Variants in AUTS2 observed in about 807,000 individuals in gnomAD.
AUTS2 encodes the protein activator of transcription and developmental regulator AUTS2, also known as autism susceptibility gene 2 protein.
AUTS2 carries 17 observed loss-of-function variants against 112.4 expected under a neutral mutation model. The ratio of observed to expected loss-of-function variants is 0.15; its 90% CI spans 0.10 to 0.23. The LOEUF is 0.23. AUTS2 is among the 10% of genes least tolerant of loss of function. The probability of loss-of-function intolerance (pLI) is 1.00; values close to 1 mark genes in which losing one functional copy is unlikely to be tolerated. For missense variants in AUTS2, 1,510 were observed against 1,701.6 expected (o/e 0.89, Z 1.98); for synonymous variants, 751 against 702.7 (o/e 1.07, Z -1.09).
chr7:70,783,865 G>A (rs904659351), intron 15 of AUTS2: 5 of 152,186 alleles, frequency 3.3e-5, no homozygotes, highest in African/African-American at 4.8e-5. Flanking sequence ...GTATTAACAA[G>A]CCCATTTGGT....
At chr7:70,313,970 A>G (rs985835362) in intron 4 of AUTS2, among the ~76,000 whole-genome samples, 1 of 152,188 alleles carries the variant, frequency 6.6e-6, no homozygotes, top group African/African-American at 2.4e-5. Context: ...CACCTCTTAC[A>G]TAGTAGGAGC....
At chr7:70,267,624 G>C (rs1787496925) in intron 4 of AUTS2, among the ~76,000 whole-genome samples, 1 of 152,162 alleles carries the variant, frequency 6.6e-6, no homozygotes, top group African/African-American at 2.4e-5. Flanking sequence ...AAGTAGATGT[G>C]ACAGTTATGA....
At chr7:70,443,117 A>G (rs1293657826) in intron 5 of AUTS2, among the ~76,000 whole-genome samples, 1 of 152,252 alleles carries the variant, frequency 6.6e-6, no homozygotes, top group Non-Finnish European at 1.5e-5. Context: ...ATGCACCTGA[A>G]AAAGAAGTTA....
intron 4 of AUTS2, among the ~76,000 whole-genome samples, chr7:70,297,334 G>T (rs1430055488): frequency 6.6e-6 from 1 of 152,034 alleles, no homozygotes; most frequent in Non-Finnish European, 1.5e-5. Context: ...TCTCCAAAGG[G>T]TTGTTCCTCT....
At chr7:70,325,977 T>C (rs899271273) in intron 4 of AUTS2, among the ~76,000 whole-genome samples, 2 of 152,156 alleles carry the variant, frequency 1.3e-5, no homozygotes, top group Non-Finnish European at 2.9e-5. Context: ...TTTGCACATG[T>C]TTTGTGTTTG....
chr7:69,933,656 TTTTTTTG>T lies in AUTS2; in HGVS notation c.522+34180_522+34186del, dbSNP rs61213945. Among the ~76,000 whole-genome samples, 1,114 of 152,198 alleles carry T rather than the reference TTTTTTTG, an allele frequency of 7.3e-3. 6 individuals are homozygous for T. The highest frequency in any genetic ancestry group is 0.012 in the East Asian group (64 of 5,182). ...CACTTGCCACTTTCCTTTCCCTTCC[TTTTTTTG>T]TTTTTTGTTTTTTGTTTTTTGGTAG... On this transcript the variant is annotated intron_variant, in intron 2 of 18. Transcript: ENST00000342771.
chr7:70,703,900 A>G (rs1455527320), intron 6 of AUTS2, among the ~76,000 whole-genome samples: 1 of 152,146 alleles, frequency 6.6e-6, no homozygotes, highest in African/African-American at 2.4e-5. Context: ...TTTAAGGGTA[A>G]TTGGTACTTG....
intron 5 of AUTS2, among the ~76,000 whole-genome samples, chr7:70,496,592 A>G (rs149753838): frequency 2.9e-4 from 23 of 79,340 alleles, no homozygotes; most frequent in African/African-American, 5.4e-4. Flanking sequence ...TCACATCAGC[A>G]TCAATCACAC....
chr7:70,707,420 A>G (rs913378959), intron 6 of AUTS2, among the ~76,000 whole-genome samples: 29 of 152,176 alleles, frequency 1.9e-4, no homozygotes, highest in African/African-American at 7.0e-4. Flanking sequence ...ACTCCTAGAC[A>G]TGCTCATAGC....
intron 1 of AUTS2, among the ~76,000 whole-genome samples, chr7:69,787,340 T>A (rs1465105260): frequency 2.0e-5 from 3 of 152,212 alleles, no homozygotes; most frequent in Non-Finnish European, 4.4e-5. Flanking sequence ...ATCTAGACAC[T>A]CTTTTTCTGT....
intron 5 of AUTS2, among the ~76,000 whole-genome samples, chr7:70,651,556 A>T (rs1049161415): frequency 1.3e-5 from 2 of 152,180 alleles, no homozygotes; most frequent in Non-Finnish European, 2.9e-5. Flanking sequence ...AGAATCAACT[A>T]ACATAAGCCT....
chr7:69,736,507 C>T (rs1000583235), intron 1 of AUTS2, among the ~76,000 whole-genome samples: 2 of 152,178 alleles, frequency 1.3e-5, no homozygotes, highest in South Asian at 4.1e-4. Flanking sequence ...TTATCCTTGC[C>T]TGCTATTCCT....
chr7:70,034,144 A>T lies in AUTS2; in HGVS notation c.523-83988A>T, dbSNP rs1367650927. 3.3e-5 allele frequency among the ~76,000 whole-genome samples: 5 copies of T among 152,192 alleles called. No homozygotes were observed. In the East Asian group the frequency reaches 9.6e-4, roughly 29 times the overall value. On this transcript the variant is annotated intron_variant, in intron 2 of 18. Coordinates refer to ENST00000342771, the MANE Select transcript of AUTS2 (RefSeq NM_015570.4). ...AGATGGAAGACAAAAGTAAAAGATA[A>T]ATGTAGATATTCTTTTAACTGTTTG...
At chr7:69,623,891 A>G (rs1793805608) in intron 1 of AUTS2, among the ~76,000 whole-genome samples, 1 of 152,204 alleles carries the variant, frequency 6.6e-6, no homozygotes, top group African/African-American at 2.4e-5. Flanking sequence ...TTTTTATTAG[A>G]TTCCTCAAAT....
At chr7:70,712,032 CTT>C (rs11480034) in intron 6 of AUTS2, among the ~76,000 whole-genome samples, 2 of 148,970 alleles carry the variant, frequency 1.3e-5, no homozygotes, top group Non-Finnish European at 3.0e-5. Context: ...TTTTTCTTTC[CTT>C]TTTTTTTTGA....
intron 1 of AUTS2, among the ~76,000 whole-genome samples, chr7:69,778,360 T>G: frequency 6.6e-6 from 1 of 151,700 alleles, no homozygotes; most frequent in African/African-American, 2.4e-5. Flanking sequence ...GGTGCAGTTA[T>G]TCTCAACCTT....
At chr7:70,071,377 C>T (rs1802759769) in intron 2 of AUTS2, among the ~76,000 whole-genome samples, 1 of 152,208 alleles carries the variant, frequency 6.6e-6, no homozygotes, top group African/African-American at 2.4e-5. Flanking sequence ...ACCCTCATGC[C>T]TTCCCCTTGA....
chr7:69,996,281 G>C (rs958184625), intron 2 of AUTS2, among the ~76,000 whole-genome samples: 1 of 152,220 alleles, frequency 6.6e-6, no homozygotes, highest in Admixed American at 6.5e-5. Flanking sequence ...AGCCTCAGCT[G>C]TCTGCTCCCT....
chr7:69,936,953 C>T (rs1261898703), intron 2 of AUTS2, among the ~76,000 whole-genome samples: 1 of 152,100 alleles, frequency 6.6e-6, no homozygotes, highest in Non-Finnish European at 1.5e-5. Flanking sequence ...CCTTTCCCCG[C>T]TCCCTGTTCT....
Sources: gnomAD v4.1 joint callset for allele counts (sites outside exome capture counted in the v4.1 genomes callset) on GRCh38, gnomAD v4.1.1 for gene constraint, MANE v1.5 for transcripts, NCBI Gene and HGNC (gene_info 2026-07-23, HGNC 2026-07-21) for gene names.